Variants in PRKD1 observed in about 807,000 individuals in gnomAD.
PRKD1 encodes serine/threonine-protein kinase D1.
Under a neutral mutation model 95.9 loss-of-function variants are expected in PRKD1, and 63 were observed. The ratio of observed to expected loss-of-function variants is 0.66; its 90% confidence interval spans 0.54 to 0.81. The LOEUF (loss-of-function observed/expected upper bound fraction) is 0.81, where lower values mean the gene tolerates loss of function less well. Among genes scored for constraint, PRKD1 ranks in the 30% least tolerant of loss-of-function variants. The pLI, the probability that PRKD1 is intolerant of heterozygous loss-of-function variation, is 0.00. For synonymous variants in PRKD1, 425 were observed against 423.1 expected (o/e 1.00, Z -0.05); for missense variants, 1,048 against 1,165.3 (o/e 0.90, Z 1.47).
At chr14:29,883,949 A>T (rs1299023272) in intron 1 of PRKD1, among the ~76,000 whole-genome samples, 1 of 152,198 alleles carries the variant, frequency 6.6e-6, no homozygotes, top group Non-Finnish European at 1.5e-5. Context: ...TAACCTCCCC[A>T]TATGGTTGAC....
chr14:29,773,939 T>A (rs1888621888), intron 1 of PRKD1, among the ~76,000 whole-genome samples: 1 of 152,178 alleles, frequency 6.6e-6, no homozygotes, highest in Non-Finnish European at 1.5e-5. Context: ...TACAAACTAA[T>A]AATACACATT....
At chr14:29,599,626 T>C in intron 14 of PRKD1, 30 bp downstream of exon 14, 1 of 1,582,620 alleles carries the variant, frequency 6.3e-7, no homozygotes, top group Middle Eastern at 1.7e-4. Flanking sequence ...TTAAATATTG[T>C]ATTTTTTCCG....
intron 2 of PRKD1, among the ~76,000 whole-genome samples, chr14:29,689,106 T>C (rs111865915): frequency 0.021 from 3,213 of 150,824 alleles, 117 homozygotes; most frequent in African/African-American, 0.072. Flanking sequence ...AGCCAAAAAA[T>C]GACAAATAGG....
intron 1 of PRKD1, among the ~76,000 whole-genome samples, chr14:29,795,616 G>C (rs1212047173): frequency 6.6e-6 from 1 of 152,040 alleles, no homozygotes; most frequent in Admixed American, 6.6e-5. Flanking sequence ...TTTCAAATCA[G>C]AGTTCTTTTC....
intron 1 of PRKD1, among the ~76,000 whole-genome samples, chr14:29,817,732 T>C (rs1890748427): frequency 6.6e-6 from 1 of 152,158 alleles, no homozygotes; most frequent in African/African-American, 2.4e-5. Context: ...TCCAGAGTCA[T>C]GCTCACAAGT....
chr14:29,641,723 C>A (rs756710350), intron 4 of PRKD1, among the ~76,000 whole-genome samples: 5 of 151,920 alleles, frequency 3.3e-5, no homozygotes, highest in Non-Finnish European at 4.4e-5. Context: ...TTCCTTCAAT[C>A]AAAAATGTAA....
intron 12 of PRKD1, among the ~76,000 whole-genome samples, chr14:29,625,020 T>C (rs1879527822): frequency 6.6e-6 from 1 of 152,126 alleles, no homozygotes; most frequent in Non-Finnish European, 1.5e-5. Flanking sequence ...AAAATAGAAA[T>C]GGAAAATGGA....
chr14:29,779,392 C>G (rs530559105), intron 1 of PRKD1, among the ~76,000 whole-genome samples: 1 of 152,136 alleles, frequency 6.6e-6, no homozygotes, highest in Non-Finnish European at 1.5e-5. Flanking sequence ...AAAACCCCAT[C>G]GTCTCAGCCC....
intron 3 of PRKD1, among the ~76,000 whole-genome samples, chr14:29,665,825 TATAG>T (rs1594409075): frequency 6.6e-6 from 1 of 152,112 alleles, no homozygotes; most frequent in South Asian, 2.1e-4. Context: ...TAGGTGTATA[TATAG>T]ATAGATCTAT....
At chr14:29,602,440 T>G (rs184435254) in intron 13 of PRKD1, among the ~76,000 whole-genome samples, 3 of 151,772 alleles carry the variant, frequency 2.0e-5, no homozygotes, top group Admixed American at 1.3e-4. Flanking sequence ...TTTTTTTTTT[T>G]TTTTGTTTTG....
chr14:29,628,565 C>A (rs1879777773), intron 11 of PRKD1, among the ~76,000 whole-genome samples: 1 of 152,142 alleles, frequency 6.6e-6, no homozygotes, highest in Admixed American at 6.6e-5. Flanking sequence ...TCGATTTATG[C>A]AACTTTCTTA....
intron 9 of PRKD1, among the ~76,000 whole-genome samples, chr14:29,631,908 T>A (rs1257457929): frequency 1.3e-5 from 2 of 152,084 alleles, no homozygotes; most frequent in Non-Finnish European, 2.9e-5. Flanking sequence ...TTAAGGTGAT[T>A]CTCCTGCCTC....
At chr14:29,802,742 A>G (rs1168979000) in intron 1 of PRKD1, among the ~76,000 whole-genome samples, 1 of 152,224 alleles carries the variant, frequency 6.6e-6, no homozygotes, top group African/African-American at 2.4e-5. Flanking sequence ...TGGATGGAAT[A>G]TCCTTCAAGA....
At chr14:29,786,805 ATTC>A (rs941960246) in intron 1 of PRKD1, among the ~76,000 whole-genome samples, 5 of 151,172 alleles carry the variant, frequency 3.3e-5, no homozygotes, top group African/African-American at 4.9e-5. Flanking sequence ...CTTTTTGTTG[ATTC>A]TTGTTTTTTA....
At chr14:29,701,145 C>A (rs1326797346) in intron 2 of PRKD1, among the ~76,000 whole-genome samples, 1 of 152,152 alleles carries the variant, frequency 6.6e-6, no homozygotes, top group African/African-American at 2.4e-5. Flanking sequence ...TATATCTGAT[C>A]TTTTCATTTT....
rs76898176 is a variant in PRKD1, at chr14:29,673,377, C to G, written c.404-7169G>C. ...TCTAAGAATGCGTCACCGTCTTTCA[C>G]GTCAATCCCTCCTTCTGTTTTGCAT... is the stretch of plus-strand genomic sequence containing the variant. On this transcript the variant is annotated intron_variant, in intron 2 of 17. Transcript: ENST00000331968. 6.6e-3 allele frequency among the ~76,000 whole-genome samples: 1,005 copies of G among 152,284 alleles called. 9 individuals are homozygous for G. Among genetic ancestry groups the G allele is most frequent in the Non-Finnish European group, 0.011 (762 of 68,008 alleles).
At chr14:29,865,039 T>G (rs975664411) in intron 1 of PRKD1, among the ~76,000 whole-genome samples, 3 of 152,182 alleles carry the variant, frequency 2.0e-5, no homozygotes, top group African/African-American at 4.8e-5. Flanking sequence ...AAGTCACATG[T>G]GCCAACAACA....
Position 29,881,214 on chromosome 14 carries a change from G to T in PRKD1, c.264+46035C>A, listed in dbSNP as rs140347040. On this transcript the variant is annotated intron_variant, in intron 1 of 17. Transcript: ENST00000331968. ...TGTTGTGGAAGGGACCCAGGGAGAG[G>T]TAATTGAATCCTGGGGACCGGTCTT... Among the ~76,000 whole-genome samples, 314 of 152,252 alleles carry T rather than the reference G, an allele frequency of 2.1e-3. 4 individuals are homozygous for T. The highest frequency in any genetic ancestry group is 6.9e-3 in the African/African-American group (288 of 41,556).
intron 1 of PRKD1, among the ~76,000 whole-genome samples, chr14:29,799,188 T>C (rs909959626): frequency 2.6e-5 from 4 of 152,234 alleles, no homozygotes; most frequent in Admixed American, 6.5e-5. Flanking sequence ...TCTTGGCAAA[T>C]TTCAATATGA....
Sources: allele counts gnomAD v4.1 joint callset (sites outside exome capture counted in the v4.1 genomes callset), GRCh38; gene constraint gnomAD v4.1.1; transcripts MANE v1.5; gene names NCBI Gene and HGNC (gene_info 2026-07-23, HGNC 2026-07-21).